Variants in XPO6 observed in about 807,000 individuals in gnomAD.
XPO6 encodes the protein exportin-6.
A neutral mutation model predicts 130.0 loss-of-function variants in XPO6; 3 were observed. The observed-to-expected ratio is 0.02, with a 90% CI of 0.01 to 0.06. The LOEUF is 0.06. Ranked by LOEUF, XPO6 falls within the 10% of genes least tolerant of loss-of-function variation. The probability of loss-of-function intolerance (pLI) is 1.00; values close to 1 mark genes in which losing one functional copy is unlikely to be tolerated. For synonymous variants in XPO6, 524 were observed against 548.9 expected (o/e 0.95, Z 0.63); for missense variants, 970 against 1,393.0 (o/e 0.70, Z 4.83).
chr16:28,141,943 G>C (rs1202990633), intron 9 of XPO6, among the ~76,000 whole-genome samples: 1 of 152,236 alleles, frequency 6.6e-6, no homozygotes, highest in East Asian at 1.9e-4. Flanking sequence ...CCAGGCAAGT[G>C]AGCATGCAGA....
chr16:28,098,511 A>C lies in XPO6; in HGVS notation c.*27T>G. 6.3e-7 allele frequency: 1 copy of C among 1,588,572 alleles called. No individual in the cohort carries two copies. Among genetic ancestry groups the C allele is most frequent in the Non-Finnish European group, 8.6e-7 (1 of 1,162,364 alleles). ...GGCTGGCGCAGGTGGCAGCAGCAGA[A>C]GTCCGTGTCCCCAGGCAGTAGCAGG... On this transcript the variant is annotated 3_prime_UTR_variant, in exon 24 of 24. Transcript: ENST00000304658.
chr16:28,198,195 T>C (rs909738913), intron 1 of XPO6, among the ~76,000 whole-genome samples: 3 of 152,018 alleles, frequency 2.0e-5, no homozygotes, highest in African/African-American at 7.2e-5. Flanking sequence ...AAGCCACTTA[T>C]GCTATAAAGC....
chr16:28,110,349 G>C (rs905097141), intron 17 of XPO6, among the ~76,000 whole-genome samples: 1 of 152,216 alleles, frequency 6.6e-6, no homozygotes, highest in African/African-American at 2.4e-5. Flanking sequence ...GGTGGAAGTA[G>C]TGTTAGTTTC....
chr16:28,134,349 T>C (rs556013784), intron 10 of XPO6, among the ~76,000 whole-genome samples: 26 of 152,342 alleles, frequency 1.7e-4, no homozygotes, highest in African/African-American at 6.0e-4. Flanking sequence ...CTGTCAGAGA[T>C]GCAAATTCTA....
In XPO6 at chr16:28,172,799, C is replaced by G. The variant is rs1210780475; in HGVS notation, c.406-2890G>C. On this transcript the variant is annotated intron_variant, in intron 4 of 23. Coordinates refer to ENST00000304658, the MANE Select transcript of XPO6 (RefSeq NM_015171.4). ...AACACAACATGAGCCAAAAAAAAAC[C>G]CTTGAGATGATTTACTCAAAGGATC... is the stretch of plus-strand genomic sequence containing the variant. Among the ~76,000 whole-genome samples, 3 of 151,954 alleles carry G rather than the reference C, an allele frequency of 2.0e-5. No homozygotes were observed. The East Asian group carries it at 5.8e-4, about 29-fold the overall frequency.
chr16:28,150,411 G>A (rs2141814010), intron 8 of XPO6, among the ~76,000 whole-genome samples: 1 of 152,208 alleles, frequency 6.6e-6, no homozygotes, highest in Admixed American at 6.5e-5. Flanking sequence ...GGAGTCTACT[G>A]AAAGAATCAT....
At chr16:28,134,048 G>T in intron 10 of XPO6, 115 bp from the exon 11 acceptor site, 1 of 991,470 alleles carries the variant, frequency 1.0e-6, no homozygotes, top group Non-Finnish European at 1.5e-6. Flanking sequence ...ATGGAACCAG[G>T]TTATCTGGTA....
intron 5 of XPO6, among the ~76,000 whole-genome samples, chr16:28,169,427 AAT>A (rs1303963906): frequency 2.0e-5 from 3 of 152,172 alleles, no homozygotes; most frequent in Non-Finnish European, 4.4e-5. Flanking sequence ...AATTATTTTA[AAT>A]AGAGTGCTTG....
intron 6 of XPO6, among the ~76,000 whole-genome samples, chr16:28,163,963 T>G (rs2043317246): frequency 6.6e-6 from 1 of 151,800 alleles, no homozygotes; most frequent in African/African-American, 2.4e-5. Flanking sequence ...AGTTTAGGAG[T>G]TAAGGTAACA....
In XPO6 at chr16:28,156,268, C is replaced by T. The variant is rs776313555; in HGVS notation, c.903G>A (p.Ser301=). The change falls in exon 7 of 24, where the codon TCG becomes TCA. Residue 301 remains serine (S), a synonymous_variant. Coordinates refer to ENST00000304658, the MANE Select transcript of XPO6 (RefSeq NM_015171.4). ...SVNGSSQNCV[S]GQERGRLGVL... ...CCCCCAGCCGGCCGCGCTCCTGACC[C>T]GAGACACAGTTCTGGCTGCTGCCGT... The T allele has an allele frequency of 8.1e-6, 13 of 1,613,996 alleles. No individual in the cohort carries two copies. The highest frequency in any genetic ancestry group is 1.6e-4 in the Middle Eastern group (1 of 6,084).
intron 9 of XPO6, among the ~76,000 whole-genome samples, chr16:28,139,904 C>G (rs1340074100): frequency 6.6e-6 from 1 of 152,154 alleles, no homozygotes; most frequent in African/African-American, 2.4e-5. Context: ...AATTCACCCC[C>G]CTCTCAGTAA....
Position 28,177,205 on chromosome 16 carries a change from T to C in XPO6, c.207+15A>G, listed in dbSNP as rs748669191. 1 of 1,563,680 alleles carries C rather than the reference T, an allele frequency of 6.4e-7. No individual in the cohort carries two copies. The highest frequency in any genetic ancestry group is 1.4e-5 in the African/African-American group (1 of 73,112). ...AAATCCTTTTCAGAAGAGTATAAAA[T>C]TACTGACAACTTACCTCAAAAACTG... On this transcript the variant is annotated intron_variant, in intron 3 of 23. Transcript: ENST00000304658.
intron 2 of XPO6, among the ~76,000 whole-genome samples, chr16:28,180,280 G>A (rs7186489): frequency 3.9e-4 from 60 of 152,246 alleles, no homozygotes; most frequent in African/African-American, 1.4e-3. Context: ...CAGGAGAATC[G>A]CTTGAACCCA....
chr16:28,155,322 T>C (rs1027529551), intron 7 of XPO6, among the ~76,000 whole-genome samples: 11 of 152,166 alleles, frequency 7.2e-5, no homozygotes, highest in African/African-American at 2.4e-4. Context: ...TTGTTCATAA[T>C]ATAAGTTTCC....
intron 1 of XPO6, among the ~76,000 whole-genome samples, chr16:28,187,377 T>C (rs1409611371): frequency 6.6e-6 from 1 of 152,142 alleles, no homozygotes; most frequent in African/African-American, 2.4e-5. Context: ...TTGGTGCTGT[T>C]CTCTGGTCAT....
intron 12 of XPO6, among the ~76,000 whole-genome samples, chr16:28,130,936 TG>T (rs2042657085): frequency 6.6e-6 from 1 of 152,084 alleles, no homozygotes; most frequent in Non-Finnish European, 1.5e-5. Context: ...AACACCTGCT[TG>T]ATTTTTTTAA....
chr16:28,105,913 G>A lies in XPO6; in HGVS notation c.2784+130C>T, dbSNP rs549520405. 5.0e-6 allele frequency: 7 copies of A among 1,396,110 alleles called. No homozygotes were observed. The East Asian group carries it at 1.4e-4, about 28-fold the overall frequency. 86.5% of individuals were successfully genotyped at this position (1,396,110 alleles called of 1,614,324 possible). ...CACCACTAAAGGCCTTCTTCCTTGG[G>A]AGAAACTACTTTACAAGCATATTAA... On this transcript the variant is annotated intron_variant, in intron 20 of 23. Transcript: ENST00000304658.
At position 28,185,365 on chromosome 16, in the gene XPO6, A is replaced by AAATAAT. The variant is rs147862887; in HGVS notation, c.4-4340_4-4335dup. On this transcript the variant is annotated intron_variant, in intron 1 of 23. Coordinates refer to ENST00000304658, the MANE Select transcript of XPO6 (RefSeq NM_015171.4). ...ACAGAGCAAGACCTTGCCTCTTAAAAAATAATAATAATAATAATTTAAATA... is the reference window on the plus strand; with the variant it reads ...ACAGAGCAAGACCTTGCCTCTTAAAAAATAATAATAATAATAATAATAATTTAAATA... 9.5e-3 allele frequency among the ~76,000 whole-genome samples: 1,438 copies of AAATAAT among 151,946 alleles called. 30 individuals are homozygous for AAATAAT. Among genetic ancestry groups the AAATAAT allele is most frequent in the African/African-American group, 0.033 (1,366 of 41,368 alleles).
At chr16:28,125,933 A>ACAGCAAAACCAG (rs1478163042) in intron 12 of XPO6, 85 bp from the exon 13 acceptor site, 5 of 1,513,082 alleles carry the variant, frequency 3.3e-6, no homozygotes, top group Admixed American at 3.9e-5. Context: ...CAAGCCACAC[A>ACAGCAAAACCAG]CAGCAAAACC....
Sources: gnomAD v4.1 joint callset for allele counts (sites outside exome capture counted in the v4.1 genomes callset) on GRCh38, gnomAD v4.1.1 for gene constraint, MANE v1.5 for transcripts, NCBI Gene and HGNC (gene_info 2026-07-23, HGNC 2026-07-21) for gene names.